Variants in ATRNL1 observed in about 807,000 individuals in gnomAD.
ATRNL1 encodes the protein attractin like 1.
A neutral mutation model predicts 182.7 loss-of-function variants in ATRNL1; 95 were observed. The observed-to-expected ratio is 0.52, with a 90% CI of 0.44 to 0.62. The LOEUF (loss-of-function observed/expected upper bound fraction) is 0.62. ATRNL1 is among the 20% of genes least tolerant of loss of function. The pLI is 0.00. For missense variants in ATRNL1, 1,471 were observed against 1,679.5 expected, an observed-to-expected ratio of 0.88 and a Z score of 2.17; for synonymous variants, 576 against 568.3, an observed-to-expected ratio of 1.01 and a Z score of -0.19.
intron 18 of ATRNL1, among the ~76,000 whole-genome samples, chr10:115,316,878 TTGA>T (rs774175008): frequency 6.6e-6 from 1 of 152,166 alleles, no homozygotes; most frequent in African/African-American, 2.4e-5. Context: ...GTTCATGCTG[TTGA>T]TAAGTTTCTT....
At chr10:115,612,017 G>A (rs570966121) in intron 26 of ATRNL1, among the ~76,000 whole-genome samples, 1 of 152,216 alleles carries the variant, frequency 6.6e-6, no homozygotes, top group Admixed American at 6.5e-5. Flanking sequence ...CTGGGAGGCC[G>A]AGGCAAGTGG....
chr10:115,112,856 A>G (rs1206390357), intron 1 of ATRNL1, among the ~76,000 whole-genome samples: 1 of 152,202 alleles, frequency 6.6e-6, no homozygotes, highest in Non-Finnish European at 1.5e-5. Flanking sequence ...AATTAATTCA[A>G]CTTACTCAAT....
At chr10:115,223,913 G>GTATATATATATATATATATA (rs782380839) in intron 9 of ATRNL1, among the ~76,000 whole-genome samples, 4 of 55,942 alleles carry the variant, frequency 7.2e-5, no homozygotes, top group African/African-American at 3.3e-4. Flanking sequence ...GTGTGTGTGT[G>GTATATATATATATATATATA]TATATATATA....
intron 28 of ATRNL1, among the ~76,000 whole-genome samples, chr10:115,912,732 C>T (rs1193551346): frequency 1.3e-5 from 2 of 151,968 alleles, no homozygotes; most frequent in Non-Finnish European, 2.9e-5. Context: ...TGTGCTGTAT[C>T]ATAATAATGC....
rs576830641 is a variant in ATRNL1 at position 115,628,102 on chromosome 10, G to A, written c.3795+78566G>A. 4.1e-5 allele frequency among the ~76,000 whole-genome samples: 6 copies of A among 147,300 alleles called. No homozygotes were observed. The East Asian group carries it at 6.0e-4, about 15-fold the overall frequency. On this transcript the variant is annotated intron_variant, in intron 26 of 28. Coordinates refer to ENST00000355044, the MANE Select transcript of ATRNL1 (RefSeq NM_207303.4). ...GCGGAGGTTACAGTGAGCCAAGATC[G>A]CACCACTGCACTCCAGCCTGGGCAA...
At chr10:115,805,364 G>A (rs1949896046) in intron 27 of ATRNL1, among the ~76,000 whole-genome samples, 2 of 152,082 alleles carry the variant, frequency 1.3e-5, no homozygotes, top group Admixed American at 1.3e-4. Context: ...ACATCTTGGA[G>A]CTACCCACTT....
intron 26 of ATRNL1, among the ~76,000 whole-genome samples, chr10:115,566,236 A>G (rs1854070546): frequency 6.6e-6 from 1 of 152,078 alleles, no homozygotes. Flanking sequence ...CACCTGGGCA[A>G]GAGCTGTAGT....
intron 27 of ATRNL1, among the ~76,000 whole-genome samples, chr10:115,843,254 T>C (rs2960677): frequency 1 from 151,742 of 152,134 alleles, 75,678 homozygotes; most frequent in Non-Finnish European, 1. Flanking sequence ...CCCAAAAAGG[T>C]GGCACAAGCA....
intron 10 of ATRNL1, among the ~76,000 whole-genome samples, chr10:115,246,313 C>T (rs942592745): frequency 6.6e-6 from 1 of 151,762 alleles, no homozygotes; most frequent in Non-Finnish European, 1.5e-5. Context: ...CACTATACAC[C>T]GTGATATTTA....
At chr10:115,095,827 A>AT (rs1347944630) in intron 1 of ATRNL1, among the ~76,000 whole-genome samples, 10 of 151,826 alleles carry the variant, frequency 6.6e-5, no homozygotes, top group South Asian at 4.2e-4. Flanking sequence ...CATTTTTTAC[A>AT]TTTTTTTTAC....
chr10:115,602,302 C>T (rs782421203), intron 26 of ATRNL1, among the ~76,000 whole-genome samples: 3 of 152,100 alleles, frequency 2.0e-5, no homozygotes, highest in Non-Finnish European at 4.4e-5. Context: ...TGCAGTGAGC[C>T]GAGATCATGC....
chr10:115,158,820 T>C (rs17092823), intron 5 of ATRNL1, among the ~76,000 whole-genome samples: 1,900 of 152,048 alleles, frequency 0.012, 33 homozygotes, highest in African/African-American at 0.043. Flanking sequence ...TGCCACTGTA[T>C]TGTAATGCCA....
chr10:115,730,314 TC>T (rs1555062321), intron 27 of ATRNL1, among the ~76,000 whole-genome samples: 1 of 150,074 alleles, frequency 6.7e-6, no homozygotes, highest in African/African-American at 2.4e-5. Context: ...TATGGCATTA[TC>T]TTTGAGAACC....
intron 19 of ATRNL1, among the ~76,000 whole-genome samples, chr10:115,354,044 T>G (rs1564945358): frequency 1.3e-5 from 2 of 152,214 alleles, no homozygotes; most frequent in Non-Finnish European, 2.9e-5. Context: ...TAGAGCAAGC[T>G]TGTCTAACCC....
At chr10:115,873,902 C>T (rs542650457) in intron 28 of ATRNL1, among the ~76,000 whole-genome samples, 10 of 152,190 alleles carry the variant, frequency 6.6e-5, no homozygotes, top group South Asian at 4.2e-4. Context: ...ATAATTGCAT[C>T]GATCAGTTAA....
chr10:115,553,441 A>T (rs929683410), intron 26 of ATRNL1, among the ~76,000 whole-genome samples: 1 of 151,292 alleles, frequency 6.6e-6, no homozygotes, highest in Non-Finnish European at 1.5e-5. Flanking sequence ...AAATATTTTA[A>T]TGTAGAACTT....
At chr10:115,547,680 A>G (rs1592832719) in intron 25 of ATRNL1, among the ~76,000 whole-genome samples, 2 of 152,318 alleles carry the variant, frequency 1.3e-5, no homozygotes, top group South Asian at 2.1e-4. Flanking sequence ...GTTAGGAAGT[A>G]TTAAGGAAAA....
chr10:115,885,963 T>C (rs1486579313), intron 28 of ATRNL1, among the ~76,000 whole-genome samples: 1 of 152,216 alleles, frequency 6.6e-6, no homozygotes, highest in East Asian at 1.9e-4. Context: ...AGGTCATTCA[T>C]TCTAAGTTAT....
At chr10:115,524,252 AT>A (rs1224537462) in intron 25 of ATRNL1, among the ~76,000 whole-genome samples, 1 of 152,200 alleles carries the variant, frequency 6.6e-6, no homozygotes, top group Admixed American at 6.5e-5. Context: ...AAATTTTAAC[AT>A]TTGATTTGGA....
Sources: allele counts gnomAD v4.1 joint callset (sites outside exome capture counted in the v4.1 genomes callset), GRCh38; gene constraint gnomAD v4.1.1; transcripts MANE v1.5; gene names NCBI Gene and HGNC (gene_info 2026-07-23, HGNC 2026-07-21).